Variants in MSANTD4 observed in about 807,000 individuals in gnomAD.
MSANTD4 encodes Myb/SANT DNA binding domain containing 4 with coiled-coils, also known as myb/SANT-like DNA-binding domain-containing protein 4.
MSANTD4 carries 13 observed loss-of-function variants against 34.3 expected under a neutral mutation model. The observed-to-expected ratio is 0.38, with a 90% CI of 0.25 to 0.60. The LOEUF (loss-of-function observed/expected upper bound fraction) is 0.60. Among genes scored for constraint, MSANTD4 ranks in the 20% least tolerant of loss-of-function variants. The pLI is 0.63. For missense variants in MSANTD4, 358 were observed against 401.8 expected (o/e 0.89, Z 0.93); for synonymous variants, 137 against 145.2 (o/e 0.94, Z 0.41).
chr11:106,019,396 A>G (rs1859960036), intron 1 of MSANTD4, among the ~76,000 whole-genome samples: 1 of 152,258 alleles, frequency 6.6e-6, no homozygotes, highest in South Asian at 2.1e-4. Flanking sequence ...TTTGAAATAT[A>G]ATCAATATAA....
chr11:106,017,011 C>T (rs1458016817), intron 1 of MSANTD4, among the ~76,000 whole-genome samples: 1 of 152,130 alleles, frequency 6.6e-6, no homozygotes, highest in Non-Finnish European at 1.5e-5. Context: ...AGAGCATTTA[C>T]ATAGCCTTTT....
Position 106,009,346 on chromosome 11 carries a change from T to C in MSANTD4, c.*189A>G. On this transcript the variant is annotated 3_prime_UTR_variant, in exon 3 of 3. Transcript: ENST00000301919. ...AGAGTCCAGCACAGTAAGTTTCTGC[T>C]ATACTGTTTACGCTAGGGCACAGCT... 1 of 580,542 alleles carries C rather than the reference T, an allele frequency of 1.7e-6. No individual in the cohort carries two copies. The highest frequency in any genetic ancestry group is 2.4e-5 in the South Asian group (1 of 41,814). The allele number at this position is 580,542 out of a possible 1,614,324, so 36.0% of individuals were successfully genotyped here. A position where few individuals can be genotyped will look rare whatever the true frequency, so the allele number is the denominator to read the frequency against.
intron 1 of MSANTD4, among the ~76,000 whole-genome samples, chr11:106,013,948 A>C (rs1215340292): frequency 8.5e-5 from 13 of 152,246 alleles, no homozygotes; most frequent in Admixed American, 7.9e-4. Context: ...ACTCTTACCT[A>C]TGTGGAAGGT....
At chr11:106,017,423 G>A (rs1859883541) in intron 1 of MSANTD4, among the ~76,000 whole-genome samples, 1 of 152,076 alleles carries the variant, frequency 6.6e-6, no homozygotes, top group Non-Finnish European at 1.5e-5. Context: ...ACTTTGAGGT[G>A]ATCAACATTA....
At chr11:106,016,417 C>T (rs1859852219) in intron 1 of MSANTD4, among the ~76,000 whole-genome samples, 2 of 152,164 alleles carry the variant, frequency 1.3e-5, no homozygotes, top group South Asian at 4.1e-4. Context: ...AATTATTGGT[C>T]AAAACTTGGC....
chr11:106,014,430 T>C (rs1172895490), intron 1 of MSANTD4, among the ~76,000 whole-genome samples: 4 of 152,244 alleles, frequency 2.6e-5, no homozygotes, highest in African/African-American at 9.6e-5. Flanking sequence ...AGTTTACCTT[T>C]TAACACATGG....
chr11:106,020,920 T>C (rs1191146905), intron 1 of MSANTD4, 42 bp downstream of exon 1: 1 of 152,218 alleles, frequency 6.6e-6, no homozygotes, highest in Non-Finnish European at 1.5e-5. Context: ...AGTGCCAGCA[T>C]TGATGCATCT....
chr11:106,020,739 C>T (rs1271574970), intron 1 of MSANTD4, among the ~76,000 whole-genome samples: 1 of 152,180 alleles, frequency 6.6e-6, no homozygotes, highest in Non-Finnish European at 1.5e-5. Context: ...TCCCGTTGTC[C>T]TGACTGATCT....
At position 106,009,322 on chromosome 11, in the gene MSANTD4, G is replaced by T. The variant is rs1007079096; in HGVS notation, c.*213C>A. On this transcript the variant is annotated 3_prime_UTR_variant, in exon 3 of 3. Transcript: ENST00000301919. ...ACTCTATGTAATATTATAAGGTAAA[G>T]AGTCCAGCACAGTAAGTTTCTGCTA... 8.0e-6 allele frequency: 4 copies of T among 500,412 alleles called. No individual in the cohort carries two copies. Among genetic ancestry groups the T allele is most frequent in the Admixed American group, 3.6e-5 (1 of 28,104 alleles). The allele number at this position is 500,412 out of a possible 1,614,324, so 31.0% of individuals were successfully genotyped here. A position where few individuals can be genotyped will look rare whatever the true frequency, so the allele number is the denominator to read the frequency against.
intron 1 of MSANTD4, among the ~76,000 whole-genome samples, chr11:106,018,041 T>C (rs1859907482): frequency 6.6e-6 from 1 of 152,138 alleles, no homozygotes; most frequent in Non-Finnish European, 1.5e-5. Flanking sequence ...AGCAACAGTC[T>C]AGGCTAGAGT....
intron 2 of MSANTD4, 138 bp downstream of exon 2, chr11:106,010,318 A>C (rs1859655489): frequency 4.4e-6 from 6 of 1,373,410 alleles, no homozygotes; most frequent in Non-Finnish European, 3.8e-6. Flanking sequence ...AACGATGTAA[A>C]GAGAAAAGCA....
In MSANTD4 at chr11:106,009,498, A is replaced by T. The variant is rs1295193266; in HGVS notation, c.*37T>A. 3 of 1,541,354 alleles carry T rather than the reference A, an allele frequency of 1.9e-6. No homozygotes were observed. The highest frequency in any genetic ancestry group is 3.5e-4 in the Middle Eastern group (2 of 5,742). On this transcript the variant is annotated 3_prime_UTR_variant, in exon 3 of 3. Transcript: ENST00000301919. ...ATCACCTGATATGAGAAAAATCTAGAGTTTTCAAACATTTGCTAAATGGAA... is the reference window on the plus strand; with the variant it reads ...ATCACCTGATATGAGAAAAATCTAGTGTTTTCAAACATTTGCTAAATGGAA...
At position 106,009,104 on chromosome 11, in the gene MSANTD4, T is replaced by A. The variant is rs1392947188; in HGVS notation, c.*431A>T. On this transcript the variant is annotated 3_prime_UTR_variant, in exon 3 of 3. Coordinates refer to ENST00000301919, the MANE Select transcript of MSANTD4 (RefSeq NM_032424.3). ...TTGGGTTGGAAAATTCTTTACTGAGTGTGGGGGGGTGTTGAGGAGGTATGC... is the reference window on the plus strand; with the variant it reads ...TTGGGTTGGAAAATTCTTTACTGAGAGTGGGGGGGTGTTGAGGAGGTATGC... The A allele has an allele frequency of 6.4e-6, 1 of 156,878 alleles. No individual in the cohort carries two copies. The highest frequency in any genetic ancestry group is 1.4e-5 in the Non-Finnish European group (1 of 71,118). 9.7% of individuals were successfully genotyped at this position (156,878 alleles called of 1,614,324 possible).
chr11:106,011,991 C>T (rs572271636), intron 1 of MSANTD4, among the ~76,000 whole-genome samples: 40 of 151,874 alleles, frequency 2.6e-4, no homozygotes, highest in Admixed American at 8.5e-4. Flanking sequence ...TCCTAAATTT[C>T]GAATATAATT....
In MSANTD4 at chr11:106,009,735, GT is replaced by G; in HGVS notation, c.837del (p.Glu279AspfsTer15). The G allele has an allele frequency of 6.2e-7, 1 of 1,614,172 alleles. No homozygotes were observed. The highest frequency in any genetic ancestry group is 8.5e-7 in the Non-Finnish European group (1 of 1,180,024). ...AGCATGGATTTTTCTCCTTGACCAA[GT>G]TCATTTTCCAAGGACGGTTTCTCTG... is the stretch of plus-strand genomic sequence containing the variant. ...VNSEKPSLEN[E>X]LGQGEKSMLQ... On this transcript the variant is annotated frameshift_variant, in exon 3 of 3. Coordinates refer to ENST00000301919, the MANE Select transcript of MSANTD4 (RefSeq NM_032424.3). LOFTEE classifies it high-confidence loss of function.
At position 106,021,272 on chromosome 11, in the gene MSANTD4, A is replaced by G. The variant is rs10895893; in HGVS notation, c.-461T>C. 23,043 of 152,260 alleles carry G rather than the reference A, an allele frequency of 0.15. 2,255 individuals carry two copies. Among genetic ancestry groups the G allele is most frequent in the East Asian group, 0.37 (1,916 of 5,166 alleles). 9.4% of individuals were successfully genotyped at this position (152,260 alleles called of 1,614,324 possible). ...AAAACTTACAAACCTTCTATGCCCA[A>G]TCACAGAGAACAGCCATTTTCTAAA... On this transcript the variant is annotated 5_prime_UTR_variant, in exon 1 of 3. Coordinates refer to ENST00000301919, the MANE Select transcript of MSANTD4 (RefSeq NM_032424.3).
chr11:106,011,046 G>A lies in MSANTD4; in HGVS notation c.-129C>T. On this transcript the variant is annotated 5_prime_UTR_variant, in exon 2 of 3. Coordinates refer to ENST00000301919, the MANE Select transcript of MSANTD4 (RefSeq NM_032424.3). ...AATCATTGTCTTCCATTCATCTAGT[G>A]GCAAGGCAGTCTGGATAATTCCTAA... 1 of 1,409,566 alleles carries A rather than the reference G, an allele frequency of 7.1e-7. No homozygotes were observed. Among genetic ancestry groups the A allele is most frequent in the South Asian group, 1.6e-5 (1 of 62,074 alleles). 87.3% of individuals were successfully genotyped at this position (1,409,566 alleles called of 1,614,324 possible).
intron 1 of MSANTD4, among the ~76,000 whole-genome samples, chr11:106,011,583 T>G (rs1330518318): frequency 6.6e-6 from 1 of 152,210 alleles, no homozygotes; most frequent in Non-Finnish European, 1.5e-5. Flanking sequence ...TGCAGGACTC[T>G]TCCTAGACTG....
intron 1 of MSANTD4, among the ~76,000 whole-genome samples, chr11:106,013,333 T>C (rs927372737): frequency 1.3e-5 from 2 of 152,142 alleles, no homozygotes; most frequent in Non-Finnish European, 2.9e-5. Context: ...CTTAAACTTT[T>C]CCTGTCAATA....
Sources: allele counts gnomAD v4.1 joint callset (sites outside exome capture counted in the v4.1 genomes callset), GRCh38; gene constraint gnomAD v4.1.1; transcripts MANE v1.5; gene names NCBI Gene and HGNC (gene_info 2026-07-23, HGNC 2026-07-21).